CFAP100: variants seen among roughly 807,000 people sequenced by gnomAD.
The protein encoded by CFAP100 is cilia and flagella associated protein 100.
A neutral mutation model predicts 81.5 loss-of-function variants in CFAP100; 70 were observed. The ratio of observed to expected loss-of-function variants is 0.86; its 90% CI spans 0.71 to 1.05. The LOEUF is 1.05. CFAP100 is among the 50% of genes least tolerant of loss of function. CFAP100 has a pLI of 0.00. For missense variants in CFAP100, 811 were observed against 776.5 expected (o/e 1.04, Z -0.53); for synonymous variants, 341 against 314.8 (o/e 1.08, Z -0.88).
At chr3:126,426,811 AG>A (rs1398828434) in intron 13 of CFAP100, among the ~76,000 whole-genome samples, 1 of 152,254 alleles carries the variant, frequency 6.6e-6, no homozygotes, top group African/African-American at 2.4e-5. Flanking sequence ...TATAGCAAGA[AG>A]CAAGGTTGCA....
At chr3:126,407,671 C>T (rs966737703) in intron 3 of CFAP100, among the ~76,000 whole-genome samples, 2 of 152,228 alleles carry the variant, frequency 1.3e-5, no homozygotes, top group African/African-American at 4.8e-5. Flanking sequence ...CAAAACTACC[C>T]TTCAGCCAAC....
chr3:126,419,181 A>C, intron 8 of CFAP100, 25 bp downstream of exon 8: 1 of 1,475,496 alleles, frequency 6.8e-7, no homozygotes, highest in Non-Finnish European at 9.2e-7. Context: ...CATGCTGGCC[A>C]TTGGCTGGCC....
chr3:126,414,245 G>A (rs761972824), intron 4 of CFAP100, 66 bp downstream of exon 4: 2 of 1,135,426 alleles, frequency 1.8e-6, no homozygotes, highest in Non-Finnish European at 2.7e-6. Flanking sequence ...TCCTGGAGTG[G>A]CCACATTGCC....
chr3:126,414,088 A>G lies in CFAP100; in HGVS notation c.134A>G (p.His45Arg). 3 of 1,612,508 alleles carry G rather than the reference A, an allele frequency of 1.9e-6. No homozygotes were observed. Among genetic ancestry groups the G allele is most frequent in the Non-Finnish European group, 2.5e-6 (3 of 1,178,536 alleles). ...AGAGAGGTGTCTCCCTTTCCAGAAC[A>G]TGGTCCTGACCCTTCAGCGAACCCT... ...PKKQARKNEE[H>R]GPDPSANPFH... Residue 45 changes from histidine (H) to arginine (R), a missense_variant, in exon 4 of 17, where the codon CAT becomes CGT. By Grantham distance (29) the His-to-Arg change is conservative. Transcript: ENST00000352312.
chr3:126,434,040 C>T (rs769051473), intron 14 of CFAP100, 136 bp from the exon 15 acceptor site: 12 of 731,594 alleles, frequency 1.6e-5, no homozygotes, highest in Non-Finnish European at 2.5e-5. Flanking sequence ...CTGTTTTAGC[C>T]CATGTTCTCA....
At chr3:126,408,092 T>C (rs2083097151) in intron 3 of CFAP100, among the ~76,000 whole-genome samples, 1 of 152,188 alleles carries the variant, frequency 6.6e-6, no homozygotes, top group African/African-American at 2.4e-5. Context: ...AATTTAAACA[T>C]GTCCAGATGT....
intron 3 of CFAP100, among the ~76,000 whole-genome samples, chr3:126,411,350 T>C (rs1002853738): frequency 4.1e-5 from 6 of 148,130 alleles, no homozygotes; most frequent in African/African-American, 1.2e-4. Flanking sequence ...TAGTTTTTTT[T>C]GTTGTTGTTG....
At chr3:126,423,129 T>C (rs1196544536) in intron 11 of CFAP100, among the ~76,000 whole-genome samples, 196 bp from the exon 12 acceptor site, 1 of 152,064 alleles carries the variant, frequency 6.6e-6, no homozygotes, top group African/African-American at 2.4e-5. Flanking sequence ...AATGAGTGGA[T>C]TGAAACTATC....
chr3:126,418,973 C>G, intron 7 of CFAP100, 103 bp from the exon 8 acceptor site: 1 of 981,716 alleles, frequency 1.0e-6, no homozygotes, highest in South Asian at 1.7e-5. Context: ...TGTCCGGAGC[C>G]GGGCCCAGCC....
At chr3:126,423,422 T>C (rs894856678) in intron 12 of CFAP100, 46 bp downstream of exon 12, 2 of 1,608,476 alleles carry the variant, frequency 1.2e-6, no homozygotes, top group Non-Finnish European at 1.7e-6. Context: ...CGCCCCTCTC[T>C]TTCCCTGCCC....
In CFAP100 at chr3:126,434,203, A is replaced by G. The variant is rs747586709; in HGVS notation, c.1450A>G (p.Lys484Glu). Residue 484 changes from lysine (K) to glutamate (E), a missense_variant, in exon 15 of 17, where the codon AAG becomes GAG. Lys to Glu is a moderately conservative substitution (Grantham distance 56, BLOSUM62 1). Transcript: ENST00000352312. ...QDKLLESLNC[K>E]VLDVYRHCTG... ...TAAGCTGCTAGAGAGCCTGAACTGC[A>G]AGGTGCTGGATGTGTACCGGCACTG... 6.2e-7 allele frequency: 1 copy of G among 1,613,036 alleles called. No individual in the cohort carries two copies. The highest frequency in any genetic ancestry group is 8.5e-7 in the Non-Finnish European group (1 of 1,179,388).
At chr3:126,411,993 T>G (rs9854356) in intron 3 of CFAP100, among the ~76,000 whole-genome samples, 20,628 of 152,210 alleles carry the variant, frequency 0.14, 1,603 homozygotes, top group Non-Finnish European at 0.17. Context: ...AGGTGTGACA[T>G]GAGGTTGTCA....
intron 13 of CFAP100, among the ~76,000 whole-genome samples, chr3:126,426,015 C>T (rs1401534238): frequency 6.6e-6 from 1 of 152,180 alleles, no homozygotes; most frequent in Non-Finnish European, 1.5e-5. Context: ...GCAAAGAGGT[C>T]TTCTCTCACT....
rs1373407072 is a variant in CFAP100 at position 126,416,424 on chromosome 3, CAGG to C, written c.339_341del (p.Glu113del). 2 of 1,611,914 alleles carry C rather than the reference CAGG, an allele frequency of 1.2e-6. No individual in the cohort carries two copies. ...GCGGCAGCTGCAGCTGGAGGACAAG[CAGG>C]AGGACCTGGAGGCGCGCGCCGAGGC... On this transcript the variant is annotated inframe_deletion, in exon 5 of 17. Transcript: ENST00000352312.
At position 126,433,079 on chromosome 3, in the gene CFAP100, G is replaced by A. The variant is rs1423363626; in HGVS notation, c.1297G>A (p.Val433Ile). The change falls in exon 14 of 17, where the codon GTC becomes ATC. Residue 433 changes from valine to isoleucine, a missense_variant. By Grantham distance (29) the Val-to-Ile change is conservative. Coordinates refer to ENST00000352312, the MANE Select transcript of CFAP100 (RefSeq NM_182628.3). ...KHTQIRMDREVNQLKQWVTTM... is the reference protein window; with the variant it reads ...KHTQIRMDREINQLKQWVTTM... ...TTTCCCCTCTTCCAGGGACAGGGAG[G>A]TCAACCAGCTGAAGCAGTGGGTCAC... The A allele has an allele frequency of 6.2e-7, 1 of 1,614,134 alleles. No individual in the cohort carries two copies. Among genetic ancestry groups the A allele is most frequent in the South Asian group, 1.1e-5 (1 of 91,080 alleles).
intron 2 of CFAP100, among the ~76,000 whole-genome samples, chr3:126,397,385 G>A (rs1223736186): frequency 6.6e-6 from 1 of 152,146 alleles, no homozygotes; most frequent in Non-Finnish European, 1.5e-5. Context: ...AATGAAGAAG[G>A]GCTGGAATAA....
chr3:126,411,679 G>C (rs2083159165), intron 3 of CFAP100, among the ~76,000 whole-genome samples: 1 of 151,920 alleles, frequency 6.6e-6, no homozygotes, highest in African/African-American at 2.4e-5. Context: ...AGTTTCCTCT[G>C]GGTTTTGTTT....
At chr3:126,423,229 G>A (rs1331308416) in intron 11 of CFAP100, 96 bp from the exon 12 acceptor site, 5 of 981,220 alleles carry the variant, frequency 5.1e-6, no homozygotes, top group South Asian at 1.7e-5. Flanking sequence ...GAGGGATGGG[G>A]ATGCTGCCAA....
chr3:126,420,005 C>T lies in CFAP100; in HGVS notation c.939C>T (p.Ser313=). ...DKGPGIKGKA[S]SMWAKEGQGT... is the part of the protein sequence containing the mutation. ...GACCAGGGATCAAGGGCAAGGCGAG[C>T]TCCATGTGGGCCAAAGGTGAGCTGC... Residue 313 remains serine, a synonymous_variant, in exon 10 of 17, where the codon AGC becomes AGT. Coordinates refer to ENST00000352312, the MANE Select transcript of CFAP100 (RefSeq NM_182628.3). 2 of 1,613,190 alleles carry T rather than the reference C, an allele frequency of 1.2e-6. No homozygotes were observed. The highest frequency in any genetic ancestry group is 1.7e-6 in the Non-Finnish European group (2 of 1,179,978).
Sources: allele counts gnomAD v4.1 joint callset (sites outside exome capture counted in the v4.1 genomes callset), GRCh38; gene constraint gnomAD v4.1.1; transcripts MANE v1.5; gene names NCBI Gene and HGNC (gene_info 2026-07-23, HGNC 2026-07-21).